The following TMTC4 variants were observed in gnomAD, a reference collection of about 807,000 sequenced individuals.
TMTC4 encodes the protein protein O-mannosyl-transferase TMTC4.
TMTC4 carries 65 observed loss-of-function variants against 86.0 expected under a neutral mutation model. That is an observed-to-expected ratio of 0.76 (90% CI 0.62 to 0.93). TMTC4 has a LOEUF of 0.93. Among genes scored for constraint, TMTC4 ranks in the 40% least tolerant of loss-of-function variants. The pLI, the probability that TMTC4 is intolerant of heterozygous loss-of-function variation, is 0.00. For missense variants in TMTC4, 866 were observed against 948.1 expected, an observed-to-expected ratio of 0.91 and a Z score of 1.14; for synonymous variants, 379 against 382.5, an observed-to-expected ratio of 0.99 and a Z score of 0.11.
At chr13:100,644,591 T>A (rs1883471098) in intron 6 of TMTC4, among the ~76,000 whole-genome samples, 1 of 152,080 alleles carries the variant, frequency 6.6e-6, no homozygotes, top group South Asian at 2.1e-4. Context: ...TCCCACACAG[T>A]CTCCAGCAGC....
At chr13:100,610,551 T>C (rs1233453050) in intron 17 of TMTC4, among the ~76,000 whole-genome samples, 1 of 152,226 alleles carries the variant, frequency 6.6e-6, no homozygotes, top group Non-Finnish European at 1.5e-5. Flanking sequence ...TTCTGTTTCC[T>C]TAAGTTAGGC....
intron 15 of TMTC4, chr13:100,623,993 C>T (rs560268727): frequency 1.4e-5 from 5 of 360,586 alleles, no homozygotes; most frequent in Non-Finnish European, 2.2e-5. Flanking sequence ...TCATCATGAC[C>T]TCCATCTCTA....
At chr13:100,612,767 T>C (rs1283559227) in intron 16 of TMTC4, among the ~76,000 whole-genome samples, 1 of 152,148 alleles carries the variant, frequency 6.6e-6, no homozygotes, top group African/African-American at 2.4e-5. Context: ...TTTGATTAAC[T>C]TCTGTAAAAC....
chr13:100,620,796 C>T (rs1038899046), intron 15 of TMTC4, among the ~76,000 whole-genome samples: 6 of 152,118 alleles, frequency 3.9e-5, no homozygotes, highest in Admixed American at 1.3e-4. Flanking sequence ...CAAAACAAAT[C>T]GCTGTCTCCT....
chr13:100,608,449 C>A (rs1333172715), intron 17 of TMTC4, among the ~76,000 whole-genome samples: 1 of 152,034 alleles, frequency 6.6e-6, no homozygotes, highest in Non-Finnish European at 1.5e-5. Flanking sequence ...CAAGCCAGGG[C>A]AACAAAAACA....
intron 3 of TMTC4, among the ~76,000 whole-genome samples, chr13:100,667,039 T>C (rs540918797): frequency 3.1e-4 from 47 of 152,326 alleles, no homozygotes; most frequent in South Asian, 6.2e-4. Flanking sequence ...GTAGAGTTAC[T>C]TAGTTCTTTT....
At chr13:100,623,912 A>C (rs80209035) in intron 15 of TMTC4, 9 of 497,112 alleles carry the variant, frequency 1.8e-5, no homozygotes, top group Non-Finnish European at 3.2e-5. Context: ...GGACTAAATT[A>C]GGGTCTTCCT....
intron 12 of TMTC4, among the ~76,000 whole-genome samples, chr13:100,628,515 T>C (rs953950644): frequency 6.6e-6 from 1 of 152,172 alleles, no homozygotes; most frequent in African/African-American, 2.4e-5. Context: ...TGCCTGGAAA[T>C]TGAATTGTTG....
At chr13:100,633,954 A>G (rs1334011307) in intron 12 of TMTC4, among the ~76,000 whole-genome samples, 1 of 152,172 alleles carries the variant, frequency 6.6e-6, no homozygotes, top group African/African-American at 2.4e-5. Flanking sequence ...AGCTTGGCCA[A>G]CATGGTGAAA....
rs371183640 is a variant in TMTC4, at chr13:100,637,949, T to G, written c.815A>C (p.His272Pro). ...NVLEIVQKVL[H>P]KDKSLENLGM... ...ACTCACCTCTAATGACTTGTCCTTA[T>G]GTAGTACCTTCTGGACAATTTCCAG... Residue 272 changes from histidine (H) to proline (P), a missense_variant, in exon 8 of 19, where the codon CAT (histidine) becomes CCT (proline). His to Pro is a moderately conservative substitution (Grantham distance 77). Coordinates refer to ENST00000342624, the MANE Select transcript of TMTC4 (RefSeq NM_032813.5). 6.2e-7 allele frequency: 1 copy of G among 1,613,800 alleles called. No homozygotes were observed. Among genetic ancestry groups the G allele is most frequent in the Non-Finnish European group, 8.5e-7 (1 of 1,179,848 alleles).
chr13:100,674,460 G>C (rs914157648), intron 1 of TMTC4: 15 of 908,600 alleles, frequency 1.7e-5, no homozygotes, highest in Non-Finnish European at 2.0e-5. Context: ...ACCTCTGCCC[G>C]GGCGGAGAAG....
chr13:100,637,870 T>A, intron 8 of TMTC4, 60 bp downstream of exon 8: 3 of 1,549,216 alleles, frequency 1.9e-6, no homozygotes, highest in Non-Finnish European at 2.6e-6. Flanking sequence ...AATGGCATTT[T>A]AAATCAGCTG....
intron 6 of TMTC4, among the ~76,000 whole-genome samples, chr13:100,649,977 T>C (rs1317552342): frequency 6.6e-6 from 1 of 152,066 alleles, no homozygotes; most frequent in Non-Finnish European, 1.5e-5. Context: ...AACTTGTGCA[T>C]GGCTCTATGT....
intron 1 of TMTC4, among the ~76,000 whole-genome samples, chr13:100,672,208 C>T (rs1275991480): frequency 1.3e-5 from 2 of 152,346 alleles, no homozygotes; most frequent in East Asian, 3.9e-4. Context: ...AGTGTTTATT[C>T]CTGCAGATGG....
Position 100,673,218 on chromosome 13 carries a change from A to G in TMTC4, c.-208+1526T>C, listed in dbSNP as rs1006070753. 18 of 727,856 alleles carry G rather than the reference A, an allele frequency of 2.5e-5. No homozygotes were observed. The Admixed American group carries it at 3.8e-4, about 15-fold the overall frequency. The allele number at this position is 727,856 out of a possible 1,614,324, so 45.1% of individuals were successfully genotyped here. The stretch of plus-strand genomic sequence containing the variant: ...CAAAAAGACCCCACACAGGGACCCC[A>G]GAAAAACAAATGTCATCCAGCTGTG... On this transcript the variant is annotated intron_variant, in intron 1 of 18. Coordinates refer to ENST00000342624, the MANE Select transcript of TMTC4 (RefSeq NM_032813.5).
At position 100,663,180 on chromosome 13, in the gene TMTC4, C is replaced by T; in HGVS notation, c.336G>A (p.Arg112=). The T allele has an allele frequency of 4.3e-6, 7 of 1,614,152 alleles. No individual in the cohort carries two copies. The highest frequency in any genetic ancestry group is 5.9e-6 in the Non-Finnish European group (7 of 1,180,020). The change falls in exon 5 of 19, where the codon AGG becomes AGA. Residue 112 remains arginine, a splice_region_variant and synonymous_variant. Coordinates refer to ENST00000342624, the MANE Select transcript of TMTC4 (RefSeq NM_032813.5). ...AGCCTCCCGAGAGGTAGTAGTTAAT[C>T]CTGCAGAAACACAGGGTGTTCAGGG... The part of the protein sequence containing the change: ...SYRPLTVLTF[R]INYYLSGGFH...
chr13:100,609,710 TATATAC>T lies in TMTC4; in HGVS notation c.2064+2682_2064+2687del, dbSNP rs562762573. 2.8e-3 allele frequency among the ~76,000 whole-genome samples: 426 copies of T among 151,692 alleles called. 1 individual carries two copies. Among genetic ancestry groups the T allele is most frequent in the Non-Finnish European group, 4.3e-3 (290 of 67,900 alleles). On this transcript the variant is annotated intron_variant, in intron 17 of 18. Coordinates refer to ENST00000342624, the MANE Select transcript of TMTC4 (RefSeq NM_032813.5). Reference sequence around the variant, plus strand: ...ACACACACACACACACACCCATACATATATACATATACATATTAACCATTTGATAGT... The same window carrying T: ...ACACACACACACACACACCCATACATATATACATATTAACCATTTGATAGT...
At chr13:100,632,053 ACTCTCTCTCTCTCTCT>A (rs67759381) in intron 12 of TMTC4, among the ~76,000 whole-genome samples, 8 of 43,152 alleles carry the variant, frequency 1.9e-4, no homozygotes, top group African/African-American at 5.1e-4. Flanking sequence ...ACACACACAC[ACTCTCTCTCTCTCTCT>A]CTCTCTCTCT....
At chr13:100,609,115 C>T (rs938066839) in intron 17 of TMTC4, among the ~76,000 whole-genome samples, 1 of 152,030 alleles carries the variant, frequency 6.6e-6, no homozygotes, top group Non-Finnish European at 1.5e-5. Context: ...ATTCTCTATT[C>T]TCCCTCCTTC....
Sources: gnomAD v4.1 joint callset for allele counts (sites outside exome capture counted in the v4.1 genomes callset) on GRCh38, gnomAD v4.1.1 for gene constraint, MANE v1.5 for transcripts, NCBI Gene and HGNC (gene_info 2026-07-23, HGNC 2026-07-21) for gene names.